The following ARHGEF6 variants were observed in gnomAD, a reference collection of about 807,000 sequenced individuals.
ARHGEF6 encodes rho guanine nucleotide exchange factor 6.
A neutral mutation model predicts 70.3 loss-of-function variants in ARHGEF6; 9 were observed. The observed-to-expected ratio is 0.13, with a 90% CI of 0.08 to 0.22. The LOEUF (loss-of-function observed/expected upper bound fraction) is 0.22, where lower values mean the gene tolerates loss of function less well. Ranked by LOEUF, ARHGEF6 falls within the 10% of genes least tolerant of loss-of-function variation. The pLI, the probability that ARHGEF6 is intolerant of heterozygous loss-of-function variation, is 1.00. For missense variants in ARHGEF6, 470 were observed against 563.0 expected (o/e 0.83, Z 1.67); for synonymous variants, 201 against 207.8 (o/e 0.97, Z 0.28).
intron 20 of ARHGEF6, among the ~76,000 whole-genome samples, chrX:136,670,725 G>C (rs1282978064): frequency 8.9e-6 from 1 of 111,925 alleles, no homozygotes; most frequent in Non-Finnish European, 1.9e-5. Flanking sequence ...AGATTGCCTA[G>C]TCTACAGTAT....
At chrX:136,772,714 T>G (rs2148686670) in intron 2 of ARHGEF6, among the ~76,000 whole-genome samples, 1 of 111,119 alleles carries the variant, frequency 9.0e-6, no homozygotes, top group South Asian at 3.8e-4. Flanking sequence ...AATACAAAAA[T>G]TAGCCAGGCA....
chrX:136,708,806 G>T, intron 7 of ARHGEF6, 36 bp from the exon 8 acceptor site: 1 of 1,038,278 alleles, frequency 9.6e-7, no homozygotes, highest in Middle Eastern at 2.6e-4. Flanking sequence ...GTTATCTATT[G>T]TAGTCTAGTT....
At chrX:136,723,232 G>A (rs759982221) in intron 6 of ARHGEF6, among the ~76,000 whole-genome samples, 1 of 112,151 alleles carries the variant, frequency 8.9e-6, no homozygotes, top group Non-Finnish European at 1.9e-5. Context: ...AGATAGTGGC[G>A]ATCATTGTGC....
chrX:136,681,564 C>T (rs1313338457), intron 14 of ARHGEF6, among the ~76,000 whole-genome samples: 1 of 112,387 alleles, frequency 8.9e-6, no homozygotes, highest in Non-Finnish European at 1.9e-5. Context: ...ATATCTTTGG[C>T]TCCTCTGCCA....
chrX:136,764,133 CT>C (rs1648840135), intron 2 of ARHGEF6, among the ~76,000 whole-genome samples: 1 of 109,587 alleles, frequency 9.1e-6, no homozygotes, highest in Non-Finnish European at 1.9e-5. Context: ...TGGTTCTCAA[CT>C]CTGGATACAC....
At chrX:136,726,515 C>T (rs1382382348) in intron 6 of ARHGEF6, among the ~76,000 whole-genome samples, 3 of 111,588 alleles carry the variant, frequency 2.7e-5, no homozygotes, top group Admixed American at 1.9e-4. Flanking sequence ...GTAGAAAAAT[C>T]CAGGGTGGCA....
chrX:136,758,978 A>C (rs934682650), intron 2 of ARHGEF6, among the ~76,000 whole-genome samples: 1 of 112,046 alleles, frequency 8.9e-6, no homozygotes, highest in African/African-American at 3.2e-5. Flanking sequence ...CAGGTACATT[A>C]GCCCTAAAAC....
At chrX:136,734,383 C>T (rs900695533) in intron 5 of ARHGEF6, among the ~76,000 whole-genome samples, 1 of 111,899 alleles carries the variant, frequency 8.9e-6, no homozygotes, top group Non-Finnish European at 1.9e-5. Context: ...ACTCTACACA[C>T]ATAAATTTGA....
intron 10 of ARHGEF6, among the ~76,000 whole-genome samples, chrX:136,688,486 C>T (rs1197625219): frequency 2.7e-5 from 3 of 110,053 alleles, no homozygotes; most frequent in Admixed American, 9.8e-5. Context: ...AAACAAGAGT[C>T]GTGGTTAGAG....
Position 136,777,564 on chromosome X carries a change from A to G in ARHGEF6, c.249+1850T>C, listed in dbSNP as rs572424595. 7.1e-4 allele frequency among the ~76,000 whole-genome samples: 79 copies of G among 111,427 alleles called. No homozygotes were observed. In the South Asian group the frequency reaches 0.027, roughly 39 times the overall value. On this transcript the variant is annotated intron_variant, in intron 2 of 21. Coordinates refer to ENST00000250617, the MANE Select transcript of ARHGEF6 (RefSeq NM_004840.3). Reference sequence around the variant, plus strand: ...GATTCCTTAAAGAAGTAAAAGTAGAACTACCATTTGATCCAGTAATCCTAC... The same window carrying G: ...GATTCCTTAAAGAAGTAAAAGTAGAGCTACCATTTGATCCAGTAATCCTAC...
rs780944167 is a variant in ARHGEF6 at position 136,701,661 on chromosome X, C to A, written c.1046+5247G>T. ...AACTTGGATACATGGAAAAAAGTAT[C>A]AAAAATAATAAATCCAGGTAAAACA... On this transcript the variant is annotated intron_variant, in intron 9 of 21. Coordinates refer to ENST00000250617, the MANE Select transcript of ARHGEF6 (RefSeq NM_004840.3). Among the ~76,000 whole-genome samples, 397 of 95,238 alleles carry A rather than the reference C, an allele frequency of 4.2e-3. 2 individuals carry two copies. The highest frequency in any genetic ancestry group is 7.5e-3 in the Non-Finnish European group (357 of 47,478). 82.7% of individuals were successfully genotyped at this position (95,238 alleles called of 115,157 possible). A position where few individuals can be genotyped will look rare whatever the true frequency, so the allele number is the denominator to read the frequency against.
At chrX:136,704,648 C>T (rs943243304) in intron 9 of ARHGEF6, among the ~76,000 whole-genome samples, 1 of 111,662 alleles carries the variant, frequency 9.0e-6, no homozygotes, top group Non-Finnish European at 1.9e-5. Context: ...GCAAGAGCGA[C>T]GGGGGAAGAG....
chrX:136,739,483 C>T (rs752876238), intron 5 of ARHGEF6, among the ~76,000 whole-genome samples: 3 of 112,242 alleles, frequency 2.7e-5, no homozygotes, highest in Admixed American at 9.4e-5. Context: ...GAATTACCTA[C>T]GCTGTAATAT....
At chrX:136,723,360 T>C (rs2076819224) in intron 6 of ARHGEF6, among the ~76,000 whole-genome samples, 1 of 112,126 alleles carries the variant, frequency 8.9e-6, no homozygotes, top group Non-Finnish European at 1.9e-5. Flanking sequence ...ATTTCTCACC[T>C]GTCAATAAAA....
At chrX:136,680,606 C>CA in intron 15 of ARHGEF6, 125 bp downstream of exon 15, 2 of 820,133 alleles carry the variant, frequency 2.4e-6, no homozygotes. Flanking sequence ...AACTGTACTT[C>CA]AAAATCTACA....
chrX:136,736,631 G>C (rs1003725350), intron 5 of ARHGEF6, among the ~76,000 whole-genome samples: 2 of 110,822 alleles, frequency 1.8e-5, no homozygotes, highest in Non-Finnish European at 3.8e-5. Flanking sequence ...GTGTGTGTGT[G>C]TGTGTGTGTG....
chrX:136,718,699 A>T (rs1288199998), intron 6 of ARHGEF6, among the ~76,000 whole-genome samples: 2 of 111,366 alleles, frequency 1.8e-5, no homozygotes, highest in Non-Finnish European at 3.8e-5. Flanking sequence ...CCAATATGAT[A>T]TTGTGTTTTT....
chrX:136,669,862 G>C (rs1200510722), intron 20 of ARHGEF6, among the ~76,000 whole-genome samples: 1 of 112,198 alleles, frequency 8.9e-6, no homozygotes, highest in Non-Finnish European at 1.9e-5. Context: ...TAGCTTTGTT[G>C]AGGGATAATT....
intron 12 of ARHGEF6, 94 bp from the exon 13 acceptor site, chrX:136,682,938 T>A: frequency 3.0e-6 from 2 of 676,375 alleles, no homozygotes; most frequent in Non-Finnish European, 4.7e-6. Context: ...ATAGACCTTA[T>A]ATAAACAACT....
Sources: allele counts gnomAD v4.1 joint callset (sites outside exome capture counted in the v4.1 genomes callset), GRCh38; gene constraint gnomAD v4.1.1; transcripts MANE v1.5; gene names NCBI Gene and HGNC (gene_info 2026-07-23, HGNC 2026-07-21).